Variants in ANLN observed in about 807,000 individuals in gnomAD.
ANLN encodes anillin.
A neutral mutation model predicts 135.1 loss-of-function variants in ANLN; 59 were observed. The observed-to-expected ratio is 0.44, with a 90% CI of 0.35 to 0.54. The LOEUF (loss-of-function observed/expected upper bound fraction) is 0.54. ANLN is among the 20% of genes least tolerant of loss of function. The probability of loss-of-function intolerance (pLI) is 0.00; values close to 1 mark genes in which losing one functional copy is unlikely to be tolerated. For synonymous variants in ANLN, 406 were observed against 456.4 expected (o/e 0.89, Z 1.41); for missense variants, 1,182 against 1,340.0 (o/e 0.88, Z 1.84).
At chr7:36,448,128 C>G (rs1436373718) in intron 22 of ANLN, among the ~76,000 whole-genome samples, 1 of 152,150 alleles carries the variant, frequency 6.6e-6, no homozygotes, top group African/African-American at 2.4e-5. Context: ...GATTCTCTGC[C>G]TCAGCCTCCC....
chr7:36,447,154 TGGA>T (rs1789036742), intron 22 of ANLN, among the ~76,000 whole-genome samples: 1 of 152,214 alleles, frequency 6.6e-6, no homozygotes, highest in Non-Finnish European at 1.5e-5. Context: ...CTTTTGCAGT[TGGA>T]GATGTGACAA....
intron 20 of ANLN, among the ~76,000 whole-genome samples, chr7:36,431,624 ATATATATATT>A: frequency 1.7e-5 from 2 of 114,666 alleles, no homozygotes; most frequent in Non-Finnish European, 3.6e-5. Flanking sequence ...TATAATATAT[ATATATATATT>A]ACCATTTTAT....
intron 22 of ANLN, chr7:36,449,211 TC>T (rs1789140851): frequency 6.6e-6 from 1 of 152,438 alleles, no homozygotes. Context: ...CTGCCAACAA[TC>T]CAGGGCAGTT....
At chr7:36,439,332 T>G in intron 21 of ANLN, 42 bp downstream of exon 21, 1 of 1,124,302 alleles carries the variant, frequency 8.9e-7, no homozygotes, top group East Asian at 2.5e-5. Flanking sequence ...TTTTTCCATT[T>G]TGTGAAATAC....
chr7:36,390,193 C>T lies in ANLN; in HGVS notation c.18+149C>T, dbSNP rs561814501. On this transcript the variant is annotated intron_variant, in intron 1 of 23. Transcript: ENST00000265748. ...TGTGTGCGGGCCGGGGTCGCCGCGGCTGCGGCCTGCTGTGGTTGGTGGGTT... is the reference window on the plus strand; with the variant it reads ...TGTGTGCGGGCCGGGGTCGCCGCGGTTGCGGCCTGCTGTGGTTGGTGGGTT... 1.0e-4 allele frequency: 133 copies of T among 1,322,344 alleles called. No individual in the cohort carries two copies. The African/African-American group carries it at 1.5e-3, about 15-fold the overall frequency. The allele number at this position is 1,322,344 out of a possible 1,614,324, so 81.9% of individuals were successfully genotyped here. A position where few individuals can be genotyped will look rare whatever the true frequency, so the allele number is the denominator to read the frequency against.
At chr7:36,422,363 G>C (rs1234852545) in intron 13 of ANLN, among the ~76,000 whole-genome samples, 1 of 152,020 alleles carries the variant, frequency 6.6e-6, no homozygotes, top group Non-Finnish European at 1.5e-5. Flanking sequence ...TTTGCTGTGT[G>C]CGTATATGTG....
intron 23 of ANLN, 93 bp from the exon 24 acceptor site, chr7:36,452,384 T>A (rs1160244512): frequency 5.3e-6 from 8 of 1,522,394 alleles, no homozygotes; most frequent in Non-Finnish European, 7.2e-6. Context: ...CATTTACTGG[T>A]TTATTTAGTC....
chr7:36,425,968 G>T, intron 18 of ANLN, 47 bp from the exon 19 acceptor site: 1 of 1,411,510 alleles, frequency 7.1e-7, no homozygotes, highest in Non-Finnish European at 9.7e-7. Flanking sequence ...TATTAAATAA[G>T]GGAAATAACT....
At chr7:36,391,729 TGA>T (rs1412632743) in intron 1 of ANLN, among the ~76,000 whole-genome samples, 3 of 152,300 alleles carry the variant, frequency 2.0e-5, no homozygotes, top group African/African-American at 4.8e-5. Context: ...ACAGGAAAAT[TGA>T]GAGACTATTT....
chr7:36,430,932 A>G (rs764877551), intron 20 of ANLN, among the ~76,000 whole-genome samples: 8 of 152,184 alleles, frequency 5.3e-5, no homozygotes, highest in Non-Finnish European at 7.4e-5. Flanking sequence ...TCCACACTCA[A>G]CTAGGGGGAG....
chr7:36,428,167 G>C, intron 20 of ANLN: 1 of 266,734 alleles, frequency 3.7e-6, no homozygotes, highest in Non-Finnish European at 7.2e-6. Flanking sequence ...TTGAAGTTTT[G>C]ATTACTATTA....
chr7:36,412,327 A>ATT (rs1554343030), intron 7 of ANLN, among the ~76,000 whole-genome samples: 47 of 94,794 alleles, frequency 5.0e-4, no homozygotes, highest in African/African-American at 1.2e-3. Context: ...ATATATATAT[A>ATT]TTTTTTTTTT....
intron 22 of ANLN, among the ~76,000 whole-genome samples, chr7:36,448,035 G>A (rs1485307007): frequency 1.3e-5 from 2 of 151,330 alleles, no homozygotes; most frequent in South Asian, 4.2e-4. Context: ...TTTTTTTTGA[G>A]ACAGGGTCTC....
chr7:36,431,595 G>GTA (rs1202229131), intron 20 of ANLN, among the ~76,000 whole-genome samples: 3 of 21,110 alleles, frequency 1.4e-4, no homozygotes, highest in Non-Finnish European at 1.3e-4. Context: ...GTGTGTGTGT[G>GTA]TGTATATATA....
At chr7:36,437,356 A>T (rs985213832) in intron 20 of ANLN, among the ~76,000 whole-genome samples, 1 of 152,240 alleles carries the variant, frequency 6.6e-6, no homozygotes, top group African/African-American at 2.4e-5. Context: ...GTTGTAGCAT[A>T]TGACAGGATC....
Position 36,424,931 on chromosome 7 carries a change from GTA to G in ANLN, c.2709+192_2709+193del, listed in dbSNP as rs1460326143. Among the ~76,000 whole-genome samples the G allele has an allele frequency of 6.6e-5, 10 of 152,260 alleles. No individual in the cohort carries two copies. The East Asian group carries it at 1.9e-3, about 29-fold the overall frequency. On this transcript the variant is annotated intron_variant, in intron 17 of 23. Coordinates refer to ENST00000265748, the MANE Select transcript of ANLN (RefSeq NM_018685.5). ...AAACTGTGAGTGATCATGATTGTCA[GTA>G]TAAGTTCCTGATACACTCGGGCTAG...
chr7:36,435,388 G>GT (rs1788488258), intron 20 of ANLN, among the ~76,000 whole-genome samples: 1 of 151,262 alleles, frequency 6.6e-6, no homozygotes, highest in African/African-American at 2.4e-5. Context: ...GAGATGGTGG[G>GT]GGGGGGGTCT....
chr7:36,438,087 C>G (rs1788620628), intron 20 of ANLN, among the ~76,000 whole-genome samples: 1 of 152,184 alleles, frequency 6.6e-6, no homozygotes, highest in East Asian at 1.9e-4. Flanking sequence ...CCGCGCCCAG[C>G]CTTTCTAAGA....
chr7:36,420,387 T>A, intron 11 of ANLN, 73 bp downstream of exon 11: 2 of 1,516,548 alleles, frequency 1.3e-6, no homozygotes, highest in Admixed American at 4.1e-5. Context: ...TGTTATAATT[T>A]GTAATTATAA....
Sources: allele counts gnomAD v4.1 joint callset (sites outside exome capture counted in the v4.1 genomes callset), GRCh38; gene constraint gnomAD v4.1.1; transcripts MANE v1.5; gene names NCBI Gene and HGNC (gene_info 2026-07-23, HGNC 2026-07-21).